The following TJP1 variants were observed in gnomAD, a reference collection of about 807,000 sequenced individuals.
The protein encoded by TJP1 is tight junction protein 1.
A neutral mutation model predicts 194.2 loss-of-function variants in TJP1; 43 were observed. The observed-to-expected ratio is 0.22, with a 90% CI of 0.17 to 0.29. The LOEUF (loss-of-function observed/expected upper bound fraction) is 0.29. Ranked by LOEUF, TJP1 falls within the 10% of genes least tolerant of loss-of-function variation. The pLI, the probability that TJP1 is intolerant of heterozygous loss-of-function variation, is 1.00. For missense variants in TJP1, 1,971 were observed against 2,185.7 expected, an observed-to-expected ratio of 0.90 and a Z score of 1.96; for synonymous variants, 801 against 779.0, an observed-to-expected ratio of 1.03 and a Z score of -0.47.
intron 15 of TJP1, among the ~76,000 whole-genome samples, chr15:29,730,134 T>A (rs895756289): frequency 5.9e-5 from 9 of 152,148 alleles, no homozygotes; most frequent in Non-Finnish European, 1.2e-4. Flanking sequence ...TATAAACTTT[T>A]CTAAACAGTA....
intron 1 of TJP1, among the ~76,000 whole-genome samples, chr15:29,813,369 A>T (rs900932824): frequency 2.0e-5 from 3 of 152,162 alleles, no homozygotes; most frequent in African/African-American, 7.2e-5. Flanking sequence ...CCCCTCAGAC[A>T]GACATATACA....
At chr15:29,842,537 TGG>T (rs2051263007) in intron 2 of TJP1, among the ~76,000 whole-genome samples, 1 of 152,024 alleles carries the variant, frequency 6.6e-6, no homozygotes, top group African/African-American at 2.4e-5. Context: ...CTTTGCAATG[TGG>T]GAGGAAACCA....
rs749521795 is a variant in TJP1 at position 29,909,161 on chromosome 15, AAAAAAAAAAAG to A, written c.306+47060_306+47070del. 1.2e-3 allele frequency among the ~76,000 whole-genome samples: 176 copies of A among 149,736 alleles called. 3 individuals are homozygous for A. The South Asian group carries it at 0.025, about 21-fold the overall frequency. ...AACAGAGGGAGACTCCATCTCAAAA[AAAAAAAAAAAG>A]AAAAGAAAAAGAAAAATTAGCTGGG... On this transcript the variant is annotated intron_variant, in intron 2 of 28. Transcript: ENST00000356107.
chr15:29,721,423 C>T (rs986750963), intron 18 of TJP1, among the ~76,000 whole-genome samples: 1 of 152,158 alleles, frequency 6.6e-6, no homozygotes, highest in African/African-American at 2.4e-5. Context: ...ATGCTTCCTT[C>T]CCCTTCCGCC....
intron 23 of TJP1, among the ~76,000 whole-genome samples, chr15:29,714,712 T>A (rs1452509031): frequency 6.6e-6 from 1 of 150,686 alleles, no homozygotes; most frequent in African/African-American, 2.4e-5. Context: ...CGCTGATTTT[T>A]TTGTATTTTT....
intron 2 of TJP1, among the ~76,000 whole-genome samples, chr15:29,903,313 A>C (rs75812926): frequency 0.015 from 2,235 of 152,314 alleles, 53 homozygotes; most frequent in African/African-American, 0.051. Flanking sequence ...GATCAACTGT[A>C]CTTATAATAT....
chr15:29,769,402 A>T (rs2046515110), intron 4 of TJP1, among the ~76,000 whole-genome samples: 1 of 152,230 alleles, frequency 6.6e-6, no homozygotes, highest in African/African-American at 2.4e-5. Flanking sequence ...ATCAAAAGTC[A>T]TTCAGGCCCT....
intron 2 of TJP1, among the ~76,000 whole-genome samples, chr15:29,916,015 C>T (rs1436410721): frequency 1.3e-5 from 2 of 152,004 alleles, no homozygotes; most frequent in Non-Finnish European, 2.9e-5. Flanking sequence ...TAGGCCAAGG[C>T]GGGCGGATCA....
chr15:29,788,264 C>T (rs1021551287), intron 2 of TJP1, among the ~76,000 whole-genome samples: 1 of 152,060 alleles, frequency 6.6e-6, no homozygotes, highest in Admixed American at 6.6e-5. Context: ...GGAATATCTT[C>T]TCACTTTCTT....
At chr15:29,750,512 T>C (rs559651616) in intron 8 of TJP1, among the ~76,000 whole-genome samples, 1 of 152,280 alleles carries the variant, frequency 6.6e-6, no homozygotes, top group Non-Finnish European at 1.5e-5. Flanking sequence ...CTGTTATGTT[T>C]AATTTCTTTA....
At position 29,710,930 on chromosome 15, in the gene TJP1, T is replaced by C. The variant is rs757699684; in HGVS notation, c.4273A>G (p.Thr1425Ala). The C allele has an allele frequency of 3.7e-6, 6 of 1,613,042 alleles. No homozygotes were observed. The South Asian group carries it at 5.5e-5, about 15-fold the overall frequency. The change falls in exon 24 of 28, where the codon ACT (threonine) becomes GCT (alanine). Residue 1425 changes from threonine (T) to alanine (A), a missense_variant. Coordinates refer to ENST00000614355, the MANE Select transcript of TJP1 (RefSeq NM_001330239.4). ...GAGGGCAATGGAGGAGGAGGGGGAG[T>C]GGCCTGGATGGGTTCATAGCGTTTC... ...GEKRYEPIQA[T>A]PPPPPLPSQY...
chr15:29,807,433 T>C (rs45570338), intron 1 of TJP1, among the ~76,000 whole-genome samples: 1 of 152,286 alleles, frequency 6.6e-6, no homozygotes, highest in East Asian at 1.9e-4. Flanking sequence ...TATTTTTAGG[T>C]ATAGCATCTT....
intron 2 of TJP1, among the ~76,000 whole-genome samples, chr15:29,795,694 T>C (rs181563457): frequency 1.8e-4 from 28 of 152,210 alleles, no homozygotes; most frequent in Admixed American, 3.9e-4. Flanking sequence ...AGCTTTTCCA[T>C]GATACCAAAA....
chr15:29,939,435 T>C (rs531363991), intron 2 of TJP1, among the ~76,000 whole-genome samples: 1 of 152,258 alleles, frequency 6.6e-6, no homozygotes, highest in East Asian at 1.9e-4. Context: ...AATGCTTCAA[T>C]TCCCTCTGGT....
At chr15:29,790,083 G>A (rs1306627706) in intron 2 of TJP1, among the ~76,000 whole-genome samples, 2 of 152,212 alleles carry the variant, frequency 1.3e-5, no homozygotes, top group African/African-American at 4.8e-5. Flanking sequence ...TTGGAATACA[G>A]CCACATTCGT....
chr15:29,926,583 G>A (rs8033293), intron 2 of TJP1, among the ~76,000 whole-genome samples: 1 of 149,944 alleles, frequency 6.7e-6, no homozygotes, highest in African/African-American at 2.5e-5. Flanking sequence ...TTGCACTCCA[G>A]CCTGGGTAAC....
chr15:29,803,866 T>C (rs981612245), intron 1 of TJP1, among the ~76,000 whole-genome samples: 2 of 152,098 alleles, frequency 1.3e-5, no homozygotes, highest in Admixed American at 6.5e-5. Context: ...AAAACTTCTC[T>C]GTTAAACATC....
At chr15:29,805,141 A>T (rs1466610626) in intron 1 of TJP1, among the ~76,000 whole-genome samples, 2 of 152,232 alleles carry the variant, frequency 1.3e-5, no homozygotes, top group African/African-American at 4.8e-5. Context: ...CACATTTCTA[A>T]GTCAGCATCA....
chr15:29,804,245 A>G (rs1162401137), intron 1 of TJP1, among the ~76,000 whole-genome samples: 1 of 152,152 alleles, frequency 6.6e-6, no homozygotes, highest in East Asian at 1.9e-4. Flanking sequence ...CAAATACAGT[A>G]AAATGATAAT....
Sources: allele counts gnomAD v4.1 joint callset (sites outside exome capture counted in the v4.1 genomes callset), GRCh38; gene constraint gnomAD v4.1.1; transcripts MANE v1.5; gene names NCBI Gene and HGNC (gene_info 2026-07-23, HGNC 2026-07-21).